TENM1: variants seen among roughly 807,000 people sequenced by gnomAD.
The protein encoded by TENM1 is teneurin-1.
In TENM1, 35 loss-of-function variants were observed where a neutral mutation model predicts 174.8. That is an observed-to-expected ratio of 0.20 (90% CI 0.15 to 0.27). The LOEUF (loss-of-function observed/expected upper bound fraction) is 0.27. Ranked by LOEUF, TENM1 falls within the 10% of genes least tolerant of loss-of-function variation. The pLI is 1.00. For missense variants in TENM1, 1,633 were observed against 2,130.1 expected (o/e 0.77, Z 4.59); for synonymous variants, 781 against 798.7 (o/e 0.98, Z 0.37).
At chrX:125,069,436 G>A in the TENM1 span, among the ~76,000 whole-genome samples, 3 of 111,448 alleles carry the variant, frequency 2.7e-5, no homozygotes, top group Non-Finnish European at 3.8e-5. Flanking sequence ...ACTTTGCTAC[G>A]GTGAATAGTG....
intron 3 of TENM1, among the ~76,000 whole-genome samples, chrX:124,880,395 T>C (rs1490700138): frequency 4.4e-5 from 5 of 112,659 alleles, no homozygotes; most frequent in African/African-American, 6.4e-5. Flanking sequence ...GCAACTTTAC[T>C]GAATTTATCA....
chrX:124,652,819 A>T (rs1411813764), intron 7 of TENM1, among the ~76,000 whole-genome samples: 2 of 112,325 alleles, frequency 1.8e-5, no homozygotes, highest in Admixed American at 1.9e-4. Flanking sequence ...TTCCTTGAAC[A>T]TTTATTTTTT....
intron 20 of TENM1, among the ~76,000 whole-genome samples, chrX:124,490,428 G>T (rs183569901): frequency 2.7e-3 from 307 of 111,819 alleles, no homozygotes; most frequent in Non-Finnish European, 4.9e-3. Flanking sequence ...TTCCTTCAGC[G>T]GAGAGCTCTA....
chrX:125,121,038 AATAG>A, the TENM1 span, among the ~76,000 whole-genome samples: 1 of 111,803 alleles, frequency 8.9e-6, no homozygotes, highest in Admixed American at 9.5e-5. Flanking sequence ...CACATTTCTT[AATAG>A]ATATTCTTTA....
rs191000296 is a variant in TENM1 at position 124,681,465 on chromosome X, T to C, written c.1016-9630A>G. Among the ~76,000 whole-genome samples the C allele has an allele frequency of 3.0e-3, 338 of 112,000 alleles. 1 individual carries two copies. Among genetic ancestry groups the C allele is most frequent in the Non-Finnish European group, 3.5e-3 (183 of 53,042 alleles). ...TGGGGTTGATTCATGATCCGGATCCTCAAGTCTTCTCCTTTAATGCAGTAA... is the reference window on the plus strand; with the variant it reads ...TGGGGTTGATTCATGATCCGGATCCCCAAGTCTTCTCCTTTAATGCAGTAA... On this transcript the variant is annotated intron_variant, in intron 5 of 31. Transcript: ENST00000422452.
chrX:124,919,487 T>C (rs908863780), intron 1 of TENM1, among the ~76,000 whole-genome samples: 1 of 111,119 alleles, frequency 9.0e-6, no homozygotes, highest in Non-Finnish European at 1.9e-5. Context: ...TTTGTAAACA[T>C]ATGAAACTGA....
chrX:124,807,044 G>A (rs1249625308), intron 3 of TENM1, among the ~76,000 whole-genome samples: 1 of 111,922 alleles, frequency 8.9e-6, no homozygotes. Flanking sequence ...CTAAGGAGGA[G>A]CTGGTGTATC....
intron 23 of TENM1, among the ~76,000 whole-genome samples, chrX:124,438,785 T>C (rs1287388549): frequency 9.0e-6 from 1 of 111,207 alleles, no homozygotes; most frequent in Non-Finnish European, 1.9e-5. Context: ...GCTGTCACTT[T>C]GGAGGGAGCA....
chrX:124,727,910 G>A (rs1489083094), intron 4 of TENM1, among the ~76,000 whole-genome samples: 2 of 112,003 alleles, frequency 1.8e-5, no homozygotes, highest in Admixed American at 1.9e-4. Flanking sequence ...ATTTGCCTAA[G>A]CTCATAGAGG....
intron 1 of TENM1, among the ~76,000 whole-genome samples, chrX:124,904,197 T>G (rs1343556287): frequency 9.0e-6 from 1 of 111,471 alleles, no homozygotes; most frequent in Non-Finnish European, 1.9e-5. Flanking sequence ...AAATACATAC[T>G]CATAGAGGCA....
At chrX:124,717,583 T>C (rs568685227) in intron 4 of TENM1, among the ~76,000 whole-genome samples, 3 of 111,652 alleles carry the variant, frequency 2.7e-5, no homozygotes, top group Admixed American at 9.5e-5. Flanking sequence ...CAGAAAGAAA[T>C]AGAATGATGG....
At chrX:124,581,775 C>T (rs1423117200) in intron 11 of TENM1, among the ~76,000 whole-genome samples, 1 of 111,565 alleles carries the variant, frequency 9.0e-6, no homozygotes, top group Non-Finnish European at 1.9e-5. Context: ...TTTTGATTTC[C>T]ATTTCGCTGA....
chrX:125,011,775 G>A, the TENM1 span, among the ~76,000 whole-genome samples: 3 of 111,712 alleles, frequency 2.7e-5, no homozygotes, highest in Non-Finnish European at 3.8e-5. Context: ...GGAAGACAGC[G>A]TGGCGATTCC....
chrX:124,536,746 T>C (rs1337586996), intron 15 of TENM1, among the ~76,000 whole-genome samples: 1 of 112,005 alleles, frequency 8.9e-6, no homozygotes, highest in African/African-American at 3.2e-5. Context: ...CGTCCAGAAT[T>C]TGAATCCTGA....
chrX:125,167,764 A>G, the TENM1 span, among the ~76,000 whole-genome samples: 2 of 111,364 alleles, frequency 1.8e-5, no homozygotes, highest in Non-Finnish European at 3.8e-5. Context: ...GAAAAAGATT[A>G]AAGCAAACAT....
chrX:124,418,310 C>A (rs978042738), intron 25 of TENM1, among the ~76,000 whole-genome samples: 1 of 111,188 alleles, frequency 9.0e-6, no homozygotes, highest in African/African-American at 3.3e-5. Flanking sequence ...TGCTGCAGGG[C>A]ATTTATACTT....
At chrX:124,920,346 G>A (rs974474075) in intron 1 of TENM1, among the ~76,000 whole-genome samples, 1 of 111,200 alleles carries the variant, frequency 9.0e-6, no homozygotes, top group East Asian at 2.8e-4. Flanking sequence ...GTTAGAACAC[G>A]TAGATCTACT....
intron 11 of TENM1, among the ~76,000 whole-genome samples, chrX:124,575,038 C>T (rs189188542): frequency 1.8e-5 from 2 of 112,128 alleles, no homozygotes; most frequent in African/African-American, 6.5e-5. Context: ...TGCACACATG[C>T]ATGCACATGC....
chrX:124,389,399 C>T (rs949571501), intron 28 of TENM1, among the ~76,000 whole-genome samples: 2 of 111,910 alleles, frequency 1.8e-5, no homozygotes, highest in East Asian at 2.8e-4. Flanking sequence ...ACTACAAGAA[C>T]GAGCCTCTTT....
Sources: allele counts gnomAD v4.1 joint callset (sites outside exome capture counted in the v4.1 genomes callset), GRCh38; gene constraint gnomAD v4.1.1; transcripts MANE v1.5; gene names NCBI Gene and HGNC (gene_info 2026-07-23, HGNC 2026-07-21).